Variants in MYO9B observed in about 807,000 individuals in gnomAD.
MYO9B encodes myosin IXB, also known as unconventional myosin-IXb.
Under a neutral mutation model 229.5 loss-of-function variants are expected in MYO9B, and 71 were observed. The ratio of observed to expected loss-of-function variants is 0.31; its 90% CI spans 0.26 to 0.38. The LOEUF (loss-of-function observed/expected upper bound fraction) is 0.38, where lower values mean the gene tolerates loss of function less well. Ranked by LOEUF, MYO9B falls within the 10% of genes least tolerant of loss-of-function variation. The pLI is 1.00. For missense variants in MYO9B, 2,255 were observed against 2,920.5 expected, an observed-to-expected ratio of 0.77 and a Z score of 5.25; for synonymous variants, 1,185 against 1,235.8, an observed-to-expected ratio of 0.96 and a Z score of 0.86.
intron 3 of MYO9B, among the ~76,000 whole-genome samples, chr19:17,146,162 GA>G (rs2145238928): frequency 4.3e-5 from 1 of 23,480 alleles, no homozygotes. Flanking sequence ...TGGGTGGATA[GA>G]TGGATGGATG....
chr19:17,153,533 C>CA lies in MYO9B; in HGVS notation c.999-421dup, dbSNP rs34618595. Among the ~76,000 whole-genome samples the CA allele has an allele frequency of 1.0e-3, 146 of 140,496 alleles. No individual in the cohort carries two copies. The Middle Eastern group carries it at 0.018, about 17-fold the overall frequency. 92.2% of individuals were successfully genotyped at this position (140,496 alleles called of 152,430 possible). A position where few individuals can be genotyped will look rare whatever the true frequency, so the allele number is the denominator to read the frequency against. On this transcript the variant is annotated intron_variant, in intron 4 of 39. Coordinates refer to ENST00000682292, the MANE Select transcript of MYO9B (RefSeq NM_004145.4). ...AAAATCCCATCTCTACAAAAAAGAC[C>CA]AAAAAAAAAAAAATTAGCTGGGCAT...
At position 17,119,928 on chromosome 19, in the gene MYO9B, A is replaced by G. The variant is rs185182711; in HGVS notation, c.840+17371A>G. ...CTCCCAAAGTGCAGGGATTACAGCTATAAGCCATTGCGCCCGGCCAAGCTC... is the reference window on the plus strand; with the variant it reads ...CTCCCAAAGTGCAGGGATTACAGCTGTAAGCCATTGCGCCCGGCCAAGCTC... On this transcript the variant is annotated intron_variant, in intron 2 of 39. Transcript: ENST00000682292. Among the ~76,000 whole-genome samples the G allele has an allele frequency of 1.4e-3, 208 of 152,300 alleles. 3 individuals are homozygous for G. Among genetic ancestry groups the G allele is most frequent in the African/African-American group, 4.3e-3 (177 of 41,570 alleles).
chr19:17,191,484 T>C (rs1250531569), intron 20 of MYO9B, among the ~76,000 whole-genome samples: 1 of 152,206 alleles, frequency 6.6e-6, no homozygotes, highest in Non-Finnish European at 1.5e-5. Context: ...GGGACGATCG[T>C]GCTAACTGGC....
rs575082020 is a variant in MYO9B, at chr19:17,120,009, CAAA to C, written c.840+17455_840+17457del. On this transcript the variant is annotated intron_variant, in intron 2 of 39. Coordinates refer to ENST00000682292, the MANE Select transcript of MYO9B (RefSeq NM_004145.4). ...CAAAACCCCGTTGCTACGAAAAATA[CAAA>C]AATTAGCCAGGCGTGCTGGCGCATG... 2.2e-3 allele frequency among the ~76,000 whole-genome samples: 329 copies of C among 152,296 alleles called. 1 individual carries two copies. The highest frequency in any genetic ancestry group is 7.7e-3 in the African/African-American group (322 of 41,572).
intron 2 of MYO9B, among the ~76,000 whole-genome samples, chr19:17,111,723 C>T (rs116577658): frequency 0.012 from 1,796 of 152,258 alleles, 46 homozygotes; most frequent in African/African-American, 0.04. Context: ...CGCCTCTATG[C>T]AGTTCCAGAA....
intron 29 of MYO9B, 106 bp from the exon 30 acceptor site, chr19:17,203,041 A>C: frequency 7.4e-7 from 1 of 1,355,130 alleles, no homozygotes; most frequent in East Asian, 2.5e-5. Context: ...ACGGAGCCGT[A>C]GTCTTGAATA....
Position 17,143,695 on chromosome 19 carries a change from G to GA in MYO9B, c.841-1702_841-1701insA, listed in dbSNP as rs376675428. On this transcript the variant is annotated intron_variant, in intron 2 of 39. Coordinates refer to ENST00000682292, the MANE Select transcript of MYO9B (RefSeq NM_004145.4). ...CCCAGCACTTTGAGAGGCCGGGGCG[G>GA]GCAGATCATGAGGTCAAGAGATCGA... Among the ~76,000 whole-genome samples, 68 of 152,070 alleles carry GA rather than the reference G, an allele frequency of 4.5e-4. 1 individual carries two copies. Among genetic ancestry groups the GA allele is most frequent in the African/African-American group, 1.6e-3 (66 of 41,450 alleles).
At chr19:17,175,278 T>TC (rs2072773132) in intron 13 of MYO9B, among the ~76,000 whole-genome samples, 1 of 107,646 alleles carries the variant, frequency 9.3e-6, no homozygotes, top group Admixed American at 9.3e-5. Flanking sequence ...TGGTAAAAAA[T>TC]TAAAAAAAAA....
At chr19:17,154,597 T>C (rs2072517616) in intron 6 of MYO9B, among the ~76,000 whole-genome samples, 182 bp downstream of exon 6, 1 of 152,094 alleles carries the variant, frequency 6.6e-6, no homozygotes, top group African/African-American at 2.4e-5. Context: ...GCTCAAGACA[T>C]TGGTCATTAG....
chr19:17,115,984 G>A (rs1467580947), intron 2 of MYO9B, among the ~76,000 whole-genome samples: 1 of 151,552 alleles, frequency 6.6e-6, no homozygotes, highest in South Asian at 2.1e-4. Flanking sequence ...AGATAGAGAT[G>A]TCCCACAGGG....
At position 17,194,850 on chromosome 19, in the gene MYO9B, C is replaced by G. The variant is rs377572454; in HGVS notation, c.3423C>G (p.Val1141=). 6.2e-7 allele frequency: 1 copy of G among 1,613,298 alleles called. No homozygotes were observed. Among genetic ancestry groups the G allele is most frequent in the African/African-American group, 1.3e-5 (1 of 75,058 alleles). ...TGGCGGCTGAAAGTCACGAGAAAGTCCCCAGCAGCCGGGAGAAGCGTGAGT... is the reference window on the plus strand; with the variant it reads ...TGGCGGCTGAAAGTCACGAGAAAGTGCCCAGCAGCCGGGAGAAGCGTGAGT... ...KTVAAESHEK[V]PSSREKRESR... is the part of the protein sequence containing the mutation. The change falls in exon 22 of 40, where the codon GTC becomes GTG. Residue 1141 remains valine (V), a synonymous_variant. Transcript: ENST00000682292.
At chr19:17,170,804 A>G (rs953482785) in intron 11 of MYO9B, among the ~76,000 whole-genome samples, 6 of 148,984 alleles carry the variant, frequency 4.0e-5, no homozygotes, top group Non-Finnish European at 8.9e-5. Context: ...AGCCTGGGCA[A>G]CAGAGCAAGA....
intron 14 of MYO9B, chr19:17,180,723 C>T: frequency 3.8e-6 from 2 of 532,940 alleles, no homozygotes; most frequent in South Asian, 2.6e-5. Context: ...TGCCCCGCTC[C>T]AGGGCTTGGG....
intron 13 of MYO9B, among the ~76,000 whole-genome samples, 160 bp downstream of exon 13, chr19:17,173,123 A>G (rs2072744472): frequency 6.6e-6 from 1 of 151,816 alleles, no homozygotes; most frequent in African/African-American, 2.4e-5. Context: ...CTGAACAGAA[A>G]CTCGACCTGC....
At chr19:17,191,800 A>G (rs1239714219) in intron 20 of MYO9B, among the ~76,000 whole-genome samples, 3 of 151,182 alleles carry the variant, frequency 2.0e-5, no homozygotes, top group African/African-American at 4.9e-5. Flanking sequence ...ACATAGCGAG[A>G]CCCCATCTCT....
At chr19:17,203,003 G>A in intron 29 of MYO9B, 120 bp downstream of exon 29, 1 of 1,391,384 alleles carries the variant, frequency 7.2e-7, no homozygotes, top group Non-Finnish European at 9.9e-7. Context: ...GCGTGGACAC[G>A]TGTGAGTGTG....
chr19:17,129,645 G>A (rs771651467), intron 2 of MYO9B, among the ~76,000 whole-genome samples: 8 of 152,170 alleles, frequency 5.3e-5, no homozygotes, highest in South Asian at 4.1e-4. Flanking sequence ...CTGTTTCCTC[G>A]TCTGAAATGG....
intron 14 of MYO9B, among the ~76,000 whole-genome samples, chr19:17,176,485 G>C (rs543587146): frequency 3.9e-5 from 6 of 152,316 alleles, no homozygotes; most frequent in African/African-American, 1.4e-4. Flanking sequence ...TCTAAACCCA[G>C]GTCGAGGTTG....
intron 33 of MYO9B, 36 bp from the exon 34 acceptor site, chr19:17,206,643 T>C: frequency 2.0e-6 from 3 of 1,530,548 alleles, no homozygotes; most frequent in Non-Finnish European, 1.8e-6. Flanking sequence ...TTGGGGACCC[T>C]TGGGAGCTGA....
Sources: gnomAD v4.1 joint callset for allele counts (sites outside exome capture counted in the v4.1 genomes callset) on GRCh38, gnomAD v4.1.1 for gene constraint, MANE v1.5 for transcripts, NCBI Gene and HGNC (gene_info 2026-07-23, HGNC 2026-07-21) for gene names.